The following TCF4 variants were observed in gnomAD, a reference collection of about 807,000 sequenced individuals.
TCF4 encodes the protein SL3-3 enhancer factor 2.
TCF4 carries 3 observed loss-of-function variants against 82.1 expected under a neutral mutation model. The observed-to-expected ratio is 0.04, with a 90% CI of 0.02 to 0.09. The LOEUF (loss-of-function observed/expected upper bound fraction) is 0.09, where lower values mean the gene tolerates loss of function less well. Among genes scored for constraint, TCF4 ranks in the 10% least tolerant of loss-of-function variants. The pLI is 1.00. For synonymous variants in TCF4, 276 were observed against 309.6 expected (o/e 0.89, Z 1.14); for missense variants, 518 against 852.7 (o/e 0.61, Z 4.89).
chr18:55,278,913 G>A (rs2061989887), intron 9 of TCF4, among the ~76,000 whole-genome samples: 1 of 152,124 alleles, frequency 6.6e-6, no homozygotes. Context: ...GCTATCAGTA[G>A]CAAGACTACA....
intron 2 of TCF4, among the ~76,000 whole-genome samples, chr18:55,621,883 T>C (rs1296452272): frequency 9.3e-6 from 1 of 107,246 alleles, no homozygotes; most frequent in Non-Finnish European, 1.7e-5. Flanking sequence ...ATATATAATA[T>C]ATACATTATA....
At chr18:55,565,596 C>A (rs934744135) in intron 3 of TCF4, among the ~76,000 whole-genome samples, 37 of 152,174 alleles carry the variant, frequency 2.4e-4, no homozygotes, top group African/African-American at 7.5e-4. Context: ...ATAAGCATCT[C>A]ACAAAAGCAA....
intron 8 of TCF4, among the ~76,000 whole-genome samples, chr18:55,305,154 G>C (rs1307719851): frequency 1.3e-5 from 2 of 152,130 alleles, no homozygotes; most frequent in Non-Finnish European, 2.9e-5. Flanking sequence ...TAATTAAATG[G>C]AATTGTCGTC....
intron 7 of TCF4, 76 bp downstream of exon 7, chr18:55,350,798 G>C (rs1205635571): frequency 1.3e-6 from 2 of 1,598,388 alleles, no homozygotes; most frequent in African/African-American, 1.3e-5. Context: ...ATGGGGGGGC[G>C]ATATTTTAAA....
rs759844870 is a variant in TCF4 at position 55,339,904 on chromosome 18, A to G, written c.549+10455T>C. 4.2e-4 allele frequency among the ~76,000 whole-genome samples: 64 copies of G among 152,322 alleles called. 1 individual carries two copies. Among genetic ancestry groups the G allele is most frequent in the Middle Eastern group, 3.4e-3 (1 of 294 alleles). On this transcript the variant is annotated intron_variant, in intron 8 of 19. Coordinates refer to ENST00000354452, the MANE Select transcript of TCF4 (RefSeq NM_001083962.2). ...ACTTTACCTTAAAACATCTGTACAA[A>G]TATTCCTGCTCAGTGTAAGAAATCT...
chr18:55,595,157 T>C (rs2097689633), intron 2 of TCF4, among the ~76,000 whole-genome samples: 1 of 152,232 alleles, frequency 6.6e-6, no homozygotes, highest in African/African-American at 2.4e-5. Context: ...CACTAAATCT[T>C]TTGAGTCTTA....
chr18:55,599,390 T>C (rs1454786305), intron 2 of TCF4, among the ~76,000 whole-genome samples: 1 of 152,184 alleles, frequency 6.6e-6, no homozygotes, highest in African/African-American at 2.4e-5. Context: ...TCTGAACTCA[T>C]TTACTTATTA....
intron 5 of TCF4, among the ~76,000 whole-genome samples, chr18:55,411,065 C>T (rs1021142850): frequency 2.0e-5 from 3 of 152,158 alleles, no homozygotes; most frequent in African/African-American, 7.2e-5. Flanking sequence ...TTGAAAATAA[C>T]ACTAATTCCA....
intron 3 of TCF4, among the ~76,000 whole-genome samples, chr18:55,537,451 G>A (rs949634966): frequency 1.3e-5 from 2 of 152,070 alleles, no homozygotes; most frequent in African/African-American, 2.4e-5. Context: ...CTACCAAGGC[G>A]TGGTGGCACG....
chr18:55,578,713 A>G (rs561869626), intron 3 of TCF4, among the ~76,000 whole-genome samples: 2 of 152,174 alleles, frequency 1.3e-5, no homozygotes, highest in East Asian at 3.9e-4. Context: ...TAACGTACAA[A>G]TACGGCTGCA....
chr18:55,339,164 G>C (rs1170248360), intron 8 of TCF4, among the ~76,000 whole-genome samples: 1 of 152,054 alleles, frequency 6.6e-6, no homozygotes, highest in Non-Finnish European at 1.5e-5. Flanking sequence ...AAACAGATAT[G>C]AAAGACATTA....
rs902297435 is a variant in TCF4, at chr18:55,232,677, G to A, written c.1487-6C>T. 1.5e-5 allele frequency: 24 copies of A among 1,613,906 alleles called. No homozygotes were observed. The highest frequency in any genetic ancestry group is 1.2e-4 in the African/African-American group (9 of 74,912). ...CTGTAGTCCTGGTGGCATGCCTGCC[G>A]AAAAAGAGAAATCAGGTGACATGTA... On this transcript the variant is annotated splice_polypyrimidine_tract_variant and splice_region_variant and intron_variant, in intron 16 of 19. Transcript: ENST00000354452.
intron 3 of TCF4, among the ~76,000 whole-genome samples, chr18:55,532,133 C>T (rs2097070425): frequency 6.6e-6 from 1 of 152,070 alleles, no homozygotes; most frequent in South Asian, 2.1e-4. Context: ...CATTTTAAGC[C>T]ACATAAGGTC....
At chr18:55,585,544 A>G (rs2097634436) in intron 2 of TCF4, 192 bp from the exon 3 acceptor site, 1 of 655,068 alleles carries the variant, frequency 1.5e-6, no homozygotes, top group African/African-American at 1.8e-5. Context: ...CCCCATTATC[A>G]CTCTGTTCTT....
chr18:55,429,483 C>G (rs1189742573), intron 5 of TCF4, among the ~76,000 whole-genome samples: 2 of 152,190 alleles, frequency 1.3e-5, no homozygotes, highest in African/African-American at 4.8e-5. Flanking sequence ...CCATTTGGGG[C>G]CGAGCACGAT....
intron 6 of TCF4, among the ~76,000 whole-genome samples, chr18:55,363,703 G>A (rs1487527317): frequency 6.6e-6 from 1 of 152,110 alleles, no homozygotes; most frequent in Non-Finnish European, 1.5e-5. Context: ...CTATTAGAGA[G>A]GCTGAGGCAG....
chr18:55,440,903 G>A (rs1037073213), intron 5 of TCF4, among the ~76,000 whole-genome samples: 6 of 152,080 alleles, frequency 3.9e-5, no homozygotes, highest in African/African-American at 7.2e-5. Context: ...GTCTGAATAC[G>A]CATGCCTGTT....
At chr18:55,443,446 G>T (rs1473913871) in intron 5 of TCF4, among the ~76,000 whole-genome samples, 1 of 152,178 alleles carries the variant, frequency 6.6e-6, no homozygotes, top group Non-Finnish European at 1.5e-5. Context: ...TTCAGCACCT[G>T]TATTGAGTAG....
intron 5 of TCF4, among the ~76,000 whole-genome samples, chr18:55,410,378 G>A (rs2094295499): frequency 6.6e-6 from 1 of 151,918 alleles, no homozygotes; most frequent in Non-Finnish European, 1.5e-5. Flanking sequence ...AGTATCTTAA[G>A]GTGCCACCAA....
Sources: allele counts gnomAD v4.1 joint callset (sites outside exome capture counted in the v4.1 genomes callset), GRCh38; gene constraint gnomAD v4.1.1; transcripts MANE v1.5; gene names NCBI Gene and HGNC (gene_info 2026-07-23, HGNC 2026-07-21).